The following FBXW8 variants were observed in gnomAD, a reference collection of about 807,000 sequenced individuals.
FBXW8 encodes F-box and WD repeat domain containing 8.
FBXW8 carries 57 observed loss-of-function variants against 65.3 expected under a neutral mutation model. The ratio of observed to expected loss-of-function variants is 0.87; its 90% CI spans 0.71 to 1.09. FBXW8 has a LOEUF of 1.09. Among genes scored for constraint, FBXW8 ranks in the 50% least tolerant of loss-of-function variants. FBXW8 has a pLI of 0.00. For missense variants in FBXW8, 777 were observed against 814.8 expected, an observed-to-expected ratio of 0.95 and a Z score of 0.57; for synonymous variants, 308 against 330.2, an observed-to-expected ratio of 0.93 and a Z score of 0.73.
intron 3 of FBXW8, among the ~76,000 whole-genome samples, chr12:116,946,322 T>A (rs1882930835): frequency 6.6e-6 from 1 of 152,206 alleles, no homozygotes; most frequent in Admixed American, 6.5e-5. Context: ...ACCTGATTAG[T>A]GACCAATACG....
At chr12:116,975,854 C>T (rs1050555202) in intron 5 of FBXW8, among the ~76,000 whole-genome samples, 6 of 152,016 alleles carry the variant, frequency 3.9e-5, no homozygotes, top group Admixed American at 2.0e-4. Context: ...AGATTGGAGT[C>T]GATGAAGGAG....
intron 4 of FBXW8, among the ~76,000 whole-genome samples, chr12:116,964,402 T>C (rs1884177186): frequency 6.6e-6 from 1 of 152,168 alleles, no homozygotes; most frequent in South Asian, 2.1e-4. Flanking sequence ...CAGGAGCAGA[T>C]TGTTGTAATA....
chr12:117,024,363 CAG>C (rs1565947599), intron 9 of FBXW8, 43 bp downstream of exon 9: 1 of 1,607,778 alleles, frequency 6.2e-7, no homozygotes, highest in Non-Finnish European at 8.5e-7. Flanking sequence ...CTAGTAGGAA[CAG>C]GGAAGGCAGC....
At chr12:116,949,216 G>A (rs1353062762) in intron 3 of FBXW8, 2 of 194,140 alleles carry the variant, frequency 1.0e-5, no homozygotes, top group African/African-American at 4.6e-5. Flanking sequence ...AAGGTATCAT[G>A]TAATACTTTC....
chr12:116,929,698 G>T (rs915876622), intron 2 of FBXW8, among the ~76,000 whole-genome samples: 4 of 152,144 alleles, frequency 2.6e-5, no homozygotes, highest in Non-Finnish European at 5.9e-5. Context: ...TTTCTGTGGT[G>T]AGAACACTTA....
At chr12:117,007,874 C>T (rs141672731) in intron 7 of FBXW8, among the ~76,000 whole-genome samples, 2 of 151,882 alleles carry the variant, frequency 1.3e-5, no homozygotes, top group Admixed American at 6.6e-5. Context: ...GGACTCGTAA[C>T]GTGGAAAGAA....
intron 2 of FBXW8, among the ~76,000 whole-genome samples, chr12:116,939,434 G>A (rs986655288): frequency 1.3e-5 from 2 of 152,172 alleles, no homozygotes; most frequent in Admixed American, 6.5e-5. Flanking sequence ...ATTCTGCTTC[G>A]TTTTGTTTAA....
At chr12:116,948,091 G>A (rs1883049528) in intron 3 of FBXW8, among the ~76,000 whole-genome samples, 1 of 152,182 alleles carries the variant, frequency 6.6e-6, no homozygotes, top group South Asian at 2.1e-4. Flanking sequence ...GGGTTCTCAG[G>A]TACCTCCACA....
chr12:116,931,394 C>CTT (rs973954221), intron 2 of FBXW8, among the ~76,000 whole-genome samples: 1 of 149,158 alleles, frequency 6.7e-6, no homozygotes, highest in South Asian at 2.1e-4. Flanking sequence ...CAAATTTTAT[C>CTT]TTTTTTTTTT....
intron 7 of FBXW8, among the ~76,000 whole-genome samples, chr12:116,992,796 GTA>G (rs2135682090): frequency 6.6e-6 from 1 of 151,092 alleles, no homozygotes; most frequent in South Asian, 2.1e-4. Context: ...GTGTGTGTGT[GTA>G]TCACATTTTC....
Position 117,010,303 on chromosome 12 carries a change from C to T in FBXW8, c.1240-20C>T, listed in dbSNP as rs1344751220. The T allele has an allele frequency of 1.9e-6, 3 of 1,614,168 alleles. No individual in the cohort carries two copies. The highest frequency in any genetic ancestry group is 2.5e-6 in the Non-Finnish European group (3 of 1,180,016). On this transcript the variant is annotated intron_variant, in intron 7 of 10. Transcript: ENST00000652555. ...TGGTGTGTGGAATTGTGGGCCCACA[C>T]ATTTCTCTTCCTCTCTCAGATCCTG... is the stretch of plus-strand genomic sequence containing the variant.
At chr12:116,969,699 G>A (rs944990253) in intron 5 of FBXW8, among the ~76,000 whole-genome samples, 1 of 151,752 alleles carries the variant, frequency 6.6e-6, no homozygotes, top group African/African-American at 2.4e-5. Flanking sequence ...CGCCCTCGCT[G>A]GTCTACACGC....
intron 2 of FBXW8, among the ~76,000 whole-genome samples, chr12:116,944,506 G>A (rs546749657): frequency 5.4e-4 from 82 of 152,290 alleles, no homozygotes; most frequent in African/African-American, 1.8e-3. Context: ...TTCATTAGAA[G>A]TGAGACTCAA....
At chr12:116,948,334 C>T (rs1455441103) in intron 3 of FBXW8, among the ~76,000 whole-genome samples, 1 of 152,170 alleles carries the variant, frequency 6.6e-6, no homozygotes, top group Non-Finnish European at 1.5e-5. Context: ...CTCCCAGATC[C>T]TTGCCTTCCC....
intron 4 of FBXW8, among the ~76,000 whole-genome samples, chr12:116,963,204 A>C (rs1884092615): frequency 6.6e-6 from 1 of 152,230 alleles, no homozygotes; most frequent in Non-Finnish European, 1.5e-5. Flanking sequence ...TTGGGGTGAC[A>C]GAATGGCCTT....
intron 1 of FBXW8, among the ~76,000 whole-genome samples, chr12:116,911,832 T>G (rs970286770): frequency 6.6e-6 from 1 of 152,206 alleles, no homozygotes; most frequent in African/African-American, 2.4e-5. Flanking sequence ...GTATACTGTT[T>G]GCACTATTTA....
At chr12:117,022,365 A>AC (rs1954119494) in intron 8 of FBXW8, among the ~76,000 whole-genome samples, 1 of 152,136 alleles carries the variant, frequency 6.6e-6, no homozygotes, top group South Asian at 2.1e-4. Flanking sequence ...TAAAAAAAAA[A>AC]AAAAACAGGC....
chr12:116,924,114 C>A (rs1057182550), intron 1 of FBXW8, among the ~76,000 whole-genome samples: 7 of 151,294 alleles, frequency 4.6e-5, no homozygotes, highest in Non-Finnish European at 8.9e-5. Context: ...CCTTTTCCTT[C>A]TTCTTGGAAT....
At chr12:116,969,480 T>A (rs1480101896) in intron 5 of FBXW8, among the ~76,000 whole-genome samples, 1 of 152,204 alleles carries the variant, frequency 6.6e-6, no homozygotes, top group Non-Finnish European at 1.5e-5. Flanking sequence ...CAAAGACAGA[T>A]TCAAATAAAC....
Sources: gnomAD v4.1 joint callset for allele counts (sites outside exome capture counted in the v4.1 genomes callset) on GRCh38, gnomAD v4.1.1 for gene constraint, MANE v1.5 for transcripts, NCBI Gene and HGNC (gene_info 2026-07-23, HGNC 2026-07-21) for gene names.